DAB1: variants seen among roughly 807,000 people sequenced by gnomAD.
DAB1 encodes DAB adaptor protein 1.
DAB1 carries 15 observed loss-of-function variants against 64.6 expected under a neutral mutation model. The observed-to-expected ratio is 0.23, with a 90% CI of 0.16 to 0.36. DAB1 has a LOEUF of 0.36. DAB1 is among the 10% of genes least tolerant of loss of function. The probability of loss-of-function intolerance (pLI) is 1.00; values close to 1 mark genes in which losing one functional copy is unlikely to be tolerated. For missense variants in DAB1, 596 were observed against 706.7 expected (o/e 0.84, Z 1.78); for synonymous variants, 235 against 251.9 (o/e 0.93, Z 0.64).
At chr1:57,680,860 A>G (rs907683960) in intron 6 of DAB1, among the ~76,000 whole-genome samples, 1 of 152,108 alleles carries the variant, frequency 6.6e-6, no homozygotes, top group Non-Finnish European at 1.5e-5. Flanking sequence ...CCTTCCCCCA[A>G]TCTAATTTTC....
chr1:57,316,967 A>G (rs905250985), intron 1 of DAB1, among the ~76,000 whole-genome samples: 2 of 152,208 alleles, frequency 1.3e-5, no homozygotes, highest in Middle Eastern at 3.2e-3. Context: ...CTTATTTGTA[A>G]TAAATGGAAT....
chr1:58,180,293 T>TC (rs1351915959), intron 4 of DAB1, among the ~76,000 whole-genome samples: 29 of 117,446 alleles, frequency 2.5e-4, no homozygotes, highest in South Asian at 1.3e-3. Flanking sequence ...TTTTTTTTTT[T>TC]TTTTTTTTTT....
At chr1:58,350,413 T>C (rs901881681) in intron 3 of DAB1, among the ~76,000 whole-genome samples, 9 of 152,214 alleles carry the variant, frequency 5.9e-5, no homozygotes, top group African/African-American at 2.2e-4. Context: ...AGGTTGCCTA[T>C]TCACTCTGAT....
chr1:57,126,948 G>A (rs929251723), intron 4 of DAB1, among the ~76,000 whole-genome samples: 3 of 152,074 alleles, frequency 2.0e-5, no homozygotes, highest in Non-Finnish European at 4.4e-5. Context: ...ATGACACCAC[G>A]TTCCTTTACT....
At chr1:57,153,188 G>A (rs1410360776) in intron 2 of DAB1, among the ~76,000 whole-genome samples, 1 of 152,060 alleles carries the variant, frequency 6.6e-6, no homozygotes, top group African/African-American at 2.4e-5. Flanking sequence ...ACCATACCTG[G>A]CTAATTTTTG....
intron 1 of DAB1, among the ~76,000 whole-genome samples, chr1:57,367,366 C>G (rs1484599294): frequency 6.6e-6 from 1 of 152,068 alleles, no homozygotes; most frequent in Non-Finnish European, 1.5e-5. Context: ...GAGCTAGGTG[C>G]CTTTTTTGTC....
At chr1:57,077,946 C>T (rs968287207) in intron 4 of DAB1, among the ~76,000 whole-genome samples, 3 of 151,990 alleles carry the variant, frequency 2.0e-5, no homozygotes, top group African/African-American at 7.3e-5. Flanking sequence ...AGCAGAAAAG[C>T]AGAGAGACAC....
intron 5 of DAB1, among the ~76,000 whole-genome samples, chr1:58,032,303 C>T (rs1382875077): frequency 6.6e-6 from 1 of 152,136 alleles, no homozygotes; most frequent in African/African-American, 2.4e-5. Context: ...CTTCATAATC[C>T]TCAGGCACAG....
At chr1:57,999,369 A>G (rs1340028853) in intron 5 of DAB1, among the ~76,000 whole-genome samples, 1 of 152,184 alleles carries the variant, frequency 6.6e-6, no homozygotes, top group Non-Finnish European at 1.5e-5. Context: ...TCAGGTCCCC[A>G]TTCCAAATCG....
chr1:57,972,073 G>A (rs1216947714), intron 5 of DAB1, among the ~76,000 whole-genome samples: 2 of 152,172 alleles, frequency 1.3e-5, no homozygotes, highest in African/African-American at 4.8e-5. Context: ...AAAACTATAA[G>A]TAGATACCAT....
At chr1:57,401,548 A>C (rs1391546516) in intron 1 of DAB1, among the ~76,000 whole-genome samples, 2 of 152,186 alleles carry the variant, frequency 1.3e-5, no homozygotes, top group Non-Finnish European at 2.9e-5. Flanking sequence ...GAGTGCCTGC[A>C]ACTCCCAACT....
intron 7 of DAB1, among the ~76,000 whole-genome samples, chr1:57,646,285 G>C (rs1049940286): frequency 6.6e-6 from 1 of 152,148 alleles, no homozygotes; most frequent in Non-Finnish European, 1.5e-5. Context: ...CTAAAGAATG[G>C]GGACAGTTGC....
intron 5 of DAB1, among the ~76,000 whole-genome samples, chr1:57,946,030 T>C (rs913652675): frequency 6.6e-6 from 1 of 152,152 alleles, no homozygotes; most frequent in African/African-American, 2.4e-5. Flanking sequence ...TGCTACTCCA[T>C]TTCACAGGTG....
chr1:57,362,477 T>C (rs1462346908), intron 1 of DAB1, among the ~76,000 whole-genome samples: 1 of 152,140 alleles, frequency 6.6e-6, no homozygotes, highest in Non-Finnish European at 1.5e-5. Context: ...ACTGATATGG[T>C]TGGAATGTTT....
chr1:57,217,405 C>T (rs1487052133), intron 2 of DAB1, among the ~76,000 whole-genome samples: 1 of 152,078 alleles, frequency 6.6e-6, no homozygotes, highest in Non-Finnish European at 1.5e-5. Flanking sequence ...AGGTGAAGGA[C>T]CTGAATTATA....
chr1:57,548,314 A>C (rs1301700868), intron 7 of DAB1, among the ~76,000 whole-genome samples: 1 of 152,156 alleles, frequency 6.6e-6, no homozygotes, highest in Non-Finnish European at 1.5e-5. Context: ...CAGTTAACTT[A>C]ATTGCTCAAG....
At position 58,319,110 on chromosome 1, in the gene DAB1, G is replaced by A. The variant is rs544331852; in HGVS notation, n.309+24242C>T. 2.0e-5 allele frequency among the ~76,000 whole-genome samples: 3 copies of A among 152,210 alleles called. No homozygotes were observed. In the South Asian group the frequency reaches 6.2e-4, roughly 32 times the overall value. ...CTGATTATTACCTGTGAACTATAGT[G>A]GGGAGTGGTGTGTGGGGAGAAAGAG... On this transcript the variant is annotated intron_variant and non_coding_transcript_variant, in intron 4 of 20. Coordinates refer to the DAB1 transcript ENST00000485760.
rs190659087 is a variant in DAB1 at position 58,450,463 on chromosome 1, C to T, written n.257+55597G>A. ...TGACTCGCTTCCAAAAAACAGAATA[C>T]GGAAAGGAAAAATCGAACAGTTGGC... On this transcript the variant is annotated intron_variant and non_coding_transcript_variant, in intron 3 of 20. Transcript: ENST00000485760. Among the ~76,000 whole-genome samples the T allele has an allele frequency of 7.2e-5, 11 of 152,188 alleles. No individual in the cohort carries two copies. The East Asian group carries it at 1.7e-3, about 24-fold the overall frequency.
chr1:58,459,125 T>C (rs992290821), intron 3 of DAB1, among the ~76,000 whole-genome samples: 4 of 152,310 alleles, frequency 2.6e-5, no homozygotes, highest in Non-Finnish European at 5.9e-5. Context: ...ATCATTTCTT[T>C]GGAAAAGTTA....
Sources: allele counts gnomAD v4.1 joint callset (sites outside exome capture counted in the v4.1 genomes callset), GRCh38; gene constraint gnomAD v4.1.1; transcripts MANE v1.5; gene names NCBI Gene and HGNC (gene_info 2026-07-23, HGNC 2026-07-21).